ZNF93: variants seen among roughly 807,000 people sequenced by gnomAD.
ZNF93 encodes the protein zinc finger protein 505.
A neutral mutation model predicts 45.0 loss-of-function variants in ZNF93; 29 were observed. The observed-to-expected ratio is 0.64, with a 90% CI of 0.48 to 0.88. The LOEUF is 0.88. ZNF93 is among the 40% of genes least tolerant of loss of function. The pLI, the probability that ZNF93 is intolerant of heterozygous loss-of-function variation, is 0.00. For synonymous variants in ZNF93, 223 were observed against 244.6 expected (o/e 0.91, Z 0.82); for missense variants, 578 against 724.0 (o/e 0.80, Z 2.31).
intron 1 of ZNF93, among the ~76,000 whole-genome samples, chr19:19,902,104 T>C (rs1427564198): frequency 6.6e-6 from 1 of 151,970 alleles, no homozygotes. Context: ...AAAATAGACA[T>C]CTTAAAATTT....
intron 1 of ZNF93, among the ~76,000 whole-genome samples, chr19:19,904,478 C>T (rs1247578533): frequency 1.3e-5 from 2 of 152,124 alleles, no homozygotes; most frequent in African/African-American, 2.4e-5. Context: ...TTTTAAACAG[C>T]AGCTCAGAAG....
At chr19:19,902,771 C>G (rs1445388481) in intron 1 of ZNF93, among the ~76,000 whole-genome samples, 1 of 148,206 alleles carries the variant, frequency 6.7e-6, no homozygotes, top group Admixed American at 6.7e-5. Flanking sequence ...GAGTCTCGCT[C>G]TGTCGCCCAG....
intron 1 of ZNF93, among the ~76,000 whole-genome samples, chr19:19,903,350 A>G (rs1400582653): frequency 6.6e-6 from 1 of 152,210 alleles, no homozygotes; most frequent in Non-Finnish European, 1.5e-5. Context: ...AGGGATGTAA[A>G]GTGGGGCTGT....
Position 19,918,474 on chromosome 19 carries a change from G to A in ZNF93, c.226+1819G>A, listed in dbSNP as rs368593931. On this transcript the variant is annotated intron_variant, in intron 3 of 3. Transcript: ENST00000343769. ...TCCTTTGGGTATATACCCAACAATG[G>A]GATGGCTGGGTCCAATGGTATTTCT... Among the ~76,000 whole-genome samples the A allele has an allele frequency of 8.5e-5, 13 of 152,192 alleles. No homozygotes were observed. In the East Asian group the frequency reaches 9.7e-4, roughly 11 times the overall value.
intron 3 of ZNF93, among the ~76,000 whole-genome samples, chr19:19,929,207 CT>C (rs1448316810): frequency 6.6e-6 from 1 of 152,190 alleles, no homozygotes; most frequent in Non-Finnish European, 1.5e-5. Flanking sequence ...TACCTTCCAC[CT>C]TCATTTTAAG....
chr19:19,922,425 C>T (rs911635817), intron 3 of ZNF93, among the ~76,000 whole-genome samples: 3 of 152,090 alleles, frequency 2.0e-5, no homozygotes, highest in South Asian at 2.1e-4. Context: ...CTTGGAGTTG[C>T]TCTTCTTGAG....
At chr19:19,903,701 G>C (rs1171407188) in intron 1 of ZNF93, among the ~76,000 whole-genome samples, 1 of 152,146 alleles carries the variant, frequency 6.6e-6, no homozygotes, top group East Asian at 1.9e-4. Flanking sequence ...GAGAAGCAGA[G>C]GTTGCAGTGA....
intron 3 of ZNF93, chr19:19,931,876 G>A: frequency 4.5e-6 from 1 of 223,148 alleles, no homozygotes; most frequent in Non-Finnish European, 9.1e-6. Flanking sequence ...TCAAAAACTG[G>A]AGATTACATA....
intron 3 of ZNF93, among the ~76,000 whole-genome samples, chr19:19,928,951 G>T (rs1181535110): frequency 3.9e-5 from 6 of 152,122 alleles, no homozygotes; most frequent in African/African-American, 9.7e-5. Flanking sequence ...CTATAATATG[G>T]TTTGGATGTC....
At chr19:19,909,017 T>C (rs2063300626) in intron 1 of ZNF93, 1 of 152,474 alleles carries the variant, frequency 6.6e-6, no homozygotes, top group Non-Finnish European at 1.5e-5. Flanking sequence ...TGCTGAAAAT[T>C]CAGAAGTATT....
At chr19:19,902,865 T>C (rs998163086) in intron 1 of ZNF93, among the ~76,000 whole-genome samples, 2 of 150,858 alleles carry the variant, frequency 1.3e-5, no homozygotes, top group African/African-American at 4.9e-5. Flanking sequence ...GCCTCCCGAG[T>C]AGCTGGGACT....
chr19:19,915,221 G>C (rs2063320142), intron 1 of ZNF93, 59 bp from the exon 2 acceptor site: 1 of 1,610,558 alleles, frequency 6.2e-7, no homozygotes, highest in Non-Finnish European at 8.5e-7. Context: ...TTCACCTTAA[G>C]TAAAATTAAA....
intron 3 of ZNF93, among the ~76,000 whole-genome samples, chr19:19,923,634 G>A (rs1182000851): frequency 6.6e-6 from 1 of 152,196 alleles, no homozygotes; most frequent in African/African-American, 2.4e-5. Flanking sequence ...CCCTCCCCCA[G>A]CCTCGCTGGT....
chr19:19,928,206 T>C (rs1035645106), intron 3 of ZNF93, among the ~76,000 whole-genome samples: 1 of 152,264 alleles, frequency 6.6e-6, no homozygotes, highest in African/African-American at 2.4e-5. Flanking sequence ...TATTTTTCTC[T>C]ATTTTGTAAA....
At chr19:19,904,215 A>AGT (rs34095916) in intron 1 of ZNF93, among the ~76,000 whole-genome samples, 65,783 of 151,236 alleles carry the variant, frequency 0.43, 19,206 homozygotes, top group African/African-American at 0.82. Flanking sequence ...TAAGGGAAAG[A>AGT]GTTTTTCTAT....
chr19:19,907,160 A>T (rs2063295400), intron 1 of ZNF93, among the ~76,000 whole-genome samples: 1 of 151,870 alleles, frequency 6.6e-6, no homozygotes, highest in Non-Finnish European at 1.5e-5. Flanking sequence ...AGTACTTCAG[A>T]TTTATTGCTT....
chr19:19,909,438 A>G (rs1415039262), intron 1 of ZNF93: 1 of 152,264 alleles, frequency 6.6e-6, no homozygotes, highest in Non-Finnish European at 1.5e-5. Context: ...TGTTATGAAG[A>G]TGTGAAAAGT....
At chr19:19,914,550 T>C (rs2063318199) in intron 1 of ZNF93, among the ~76,000 whole-genome samples, 1 of 152,234 alleles carries the variant, frequency 6.6e-6, no homozygotes, top group Admixed American at 6.5e-5. Context: ...AATGATTCAC[T>C]TGGTGAAGTA....
intron 1 of ZNF93, among the ~76,000 whole-genome samples, chr19:19,904,116 ATT>A (rs60853268): frequency 1.4e-5 from 2 of 141,018 alleles, no homozygotes; most frequent in Non-Finnish European, 1.5e-5. Flanking sequence ...AATACAGCTG[ATT>A]TTTTTTTTTT....
Sources: allele counts gnomAD v4.1 joint callset (sites outside exome capture counted in the v4.1 genomes callset), GRCh38; gene constraint gnomAD v4.1.1; transcripts MANE v1.5; gene names NCBI Gene and HGNC (gene_info 2026-07-23, HGNC 2026-07-21).